The following CENPW variants were observed in gnomAD, a reference collection of about 807,000 sequenced individuals.
CENPW encodes centromere protein W.
CENPW carries 3 observed loss-of-function variants against 11.1 expected under a neutral mutation model. The ratio of observed to expected loss-of-function variants is 0.27; its 90% CI spans 0.12 to 0.70. CENPW has a LOEUF of 0.70. Among genes scored for constraint, CENPW ranks in the 30% least tolerant of loss-of-function variants. CENPW has a pLI of 0.77. For synonymous variants in CENPW, 38 were observed against 42.0 expected, an observed-to-expected ratio of 0.91 and a Z score of 0.37; for missense variants, 100 against 105.6, an observed-to-expected ratio of 0.95 and a Z score of 0.23.
At chr6:126,379,671 C>T in the CENPW span, among the ~76,000 whole-genome samples, 4 of 152,106 alleles carry the variant, frequency 2.6e-5, no homozygotes, top group Non-Finnish European at 5.9e-5. Flanking sequence ...AAATCACTTC[C>T]AGTTGTACAA....
chr6:126,392,657 G>T, the CENPW span, among the ~76,000 whole-genome samples: 1 of 151,946 alleles, frequency 6.6e-6, no homozygotes, highest in Non-Finnish European at 1.5e-5. Flanking sequence ...AATCCCACTT[G>T]GTCATGGATC....
the CENPW span, among the ~76,000 whole-genome samples, chr6:126,439,146 G>C: frequency 1.2e-4 from 18 of 151,760 alleles, no homozygotes; most frequent in East Asian, 3.3e-3. Context: ...CAGTTTTCCT[G>C]AGACTGTAAT....
At chr6:126,362,207 G>A in the CENPW span, among the ~76,000 whole-genome samples, 1 of 152,294 alleles carries the variant, frequency 6.6e-6, no homozygotes, top group South Asian at 2.1e-4. Context: ...AGAGGGAGAT[G>A]ACATGCTGTG....
the CENPW span, among the ~76,000 whole-genome samples, chr6:126,422,053 T>C: frequency 6.6e-6 from 1 of 152,136 alleles, no homozygotes; most frequent in Non-Finnish European, 1.5e-5. Context: ...AATGTCTCAG[T>C]AGACTTCTTT....
In CENPW at chr6:126,346,271, A is replaced by G; in HGVS notation, c.193A>G (p.Ser65Gly). 4 of 1,609,396 alleles carry G rather than the reference A, an allele frequency of 2.5e-6. No individual in the cohort carries two copies. Among genetic ancestry groups the G allele is most frequent in the South Asian group, 1.1e-5 (1 of 90,746 alleles). The change falls in exon 2 of 3, where the codon AGT becomes GGT. Residue 65 changes from serine to glycine, a missense_variant. By Grantham distance (56) the Ser-to-Gly change is moderately conservative. Coordinates refer to ENST00000368328, the MANE Select transcript of CENPW (RefSeq NM_001012507.4). ...AGAGTCCAGGACAAACGCTTGTGCGAGTAAATGTAGAGTCATTAACAAGGA... is the reference window on the plus strand; with the variant it reads ...AGAGTCCAGGACAAACGCTTGTGCGGGTAAATGTAGAGTCATTAACAAGGA... ...AEESRTNACASKCRVINKEHV... is the reference protein window; with the variant it reads ...AEESRTNACAGKCRVINKEHV...
chr6:126,376,450 G>A, the CENPW span, among the ~76,000 whole-genome samples: 44 of 152,096 alleles, frequency 2.9e-4, no homozygotes, highest in African/African-American at 1.0e-3. Flanking sequence ...CCCCTAATAC[G>A]GAATTGTATT....
chr6:126,382,608 T>TG, the CENPW span, among the ~76,000 whole-genome samples: 1 of 152,114 alleles, frequency 6.6e-6, no homozygotes, highest in Non-Finnish European at 1.5e-5. Context: ...ACTGACCTGA[T>TG]GGAGTTGAGA....
chr6:126,366,264 C>G, the CENPW span, among the ~76,000 whole-genome samples: 1 of 151,850 alleles, frequency 6.6e-6, no homozygotes, highest in African/African-American at 2.4e-5. Context: ...AAAAAAATTA[C>G]CTTACTCATA....
chr6:126,423,370 CAT>C, the CENPW span, among the ~76,000 whole-genome samples: 1 of 152,036 alleles, frequency 6.6e-6, no homozygotes, highest in African/African-American at 2.4e-5. Context: ...TTGAAATTGA[CAT>C]ATTGATGTAC....
chr6:126,350,722 A>G (rs1376355435), downstream of CENPW, among the ~76,000 whole-genome samples: 17 of 152,204 alleles, frequency 1.1e-4, no homozygotes, highest in Non-Finnish European at 5.9e-5. Flanking sequence ...TCATGGATTC[A>G]TAGTTCAGCA....
chr6:126,387,042 G>T, the CENPW span, among the ~76,000 whole-genome samples: 1 of 151,888 alleles, frequency 6.6e-6, no homozygotes, highest in African/African-American at 2.4e-5. Flanking sequence ...AACTAAGTTA[G>T]AGAGTTAACT....
chr6:126,388,499 C>A, the CENPW span, among the ~76,000 whole-genome samples: 1 of 151,904 alleles, frequency 6.6e-6, no homozygotes, highest in South Asian at 2.1e-4. Flanking sequence ...TAGTGAATAC[C>A]ACAGATGGAT....
chr6:126,346,029 A>C (rs1780402915), intron 1 of CENPW, among the ~76,000 whole-genome samples, 176 bp from the exon 2 acceptor site: 1 of 152,236 alleles, frequency 6.6e-6, no homozygotes. Context: ...TTTGCAGGGA[A>C]TCTAAGATGG....
the CENPW span, among the ~76,000 whole-genome samples, chr6:126,446,363 C>G: frequency 2.7e-5 from 4 of 148,722 alleles, no homozygotes; most frequent in Non-Finnish European, 3.0e-5. Flanking sequence ...CCTGGCCCCC[C>G]CACAAGAAAA....
the CENPW span, among the ~76,000 whole-genome samples, chr6:126,478,028 T>G: frequency 6.6e-6 from 1 of 152,074 alleles, no homozygotes; most frequent in Non-Finnish European, 1.5e-5. Flanking sequence ...TACTTAACTC[T>G]TGAGATCCAA....
At chr6:126,389,937 G>A in the CENPW span, among the ~76,000 whole-genome samples, 1 of 151,880 alleles carries the variant, frequency 6.6e-6, no homozygotes, top group African/African-American at 2.4e-5. Flanking sequence ...AAATGCTGCT[G>A]CCACAAATGC....
the CENPW span, among the ~76,000 whole-genome samples, chr6:126,459,904 C>A: frequency 6.6e-6 from 1 of 151,266 alleles, no homozygotes; most frequent in Non-Finnish European, 1.5e-5. Context: ...AATGTCCTGA[C>A]AATGTTTTTT....
chr6:126,427,823 A>G, the CENPW span, among the ~76,000 whole-genome samples: 1 of 152,240 alleles, frequency 6.6e-6, no homozygotes, highest in Admixed American at 6.5e-5. Context: ...GGTGTGTTAC[A>G]GCAGAACTGA....
At chr6:126,347,143 C>A (rs151098557) in intron 2 of CENPW, among the ~76,000 whole-genome samples, 97 of 152,278 alleles carry the variant, frequency 6.4e-4, no homozygotes, top group Admixed American at 2.2e-3. Context: ...ACCTTGCATA[C>A]TATACTTCCT....
Sources: allele counts gnomAD v4.1 joint callset (sites outside exome capture counted in the v4.1 genomes callset), GRCh38; gene constraint gnomAD v4.1.1; transcripts MANE v1.5; gene names NCBI Gene and HGNC (gene_info 2026-07-23, HGNC 2026-07-21).